NDST1: variants seen among roughly 807,000 people sequenced by gnomAD.
The protein encoded by NDST1 is N-deacetylase and N-sulfotransferase 1.
In NDST1, 35 loss-of-function variants were observed where a neutral mutation model predicts 92.8. The ratio of observed to expected loss-of-function variants is 0.38; its 90% confidence interval spans 0.29 to 0.50. NDST1 has a LOEUF of 0.50. Ranked by LOEUF, NDST1 falls within the 20% of genes least tolerant of loss-of-function variation. The pLI is 0.94. For missense variants in NDST1, 822 were observed against 1,182.7 expected (o/e 0.69, Z 4.47); for synonymous variants, 493 against 500.3 (o/e 0.99, Z 0.19).
intron 6 of NDST1, among the ~76,000 whole-genome samples, chr5:150,536,455 A>G (rs1209564936): frequency 6.6e-6 from 1 of 151,902 alleles, no homozygotes; most frequent in African/African-American, 2.4e-5. Context: ...GCAGTGAGCC[A>G]AGATTGCGCC....
intron 1 of NDST1, among the ~76,000 whole-genome samples, chr5:150,517,111 C>A (rs1269493364): frequency 6.6e-6 from 1 of 152,060 alleles, no homozygotes; most frequent in East Asian, 1.9e-4. Flanking sequence ...CCCCTGCACA[C>A]ACACACAGCT....
chr5:150,548,125 G>T, intron 11 of NDST1, 93 bp from the exon 12 acceptor site: 2 of 1,481,004 alleles, frequency 1.4e-6, no homozygotes, highest in South Asian at 1.2e-5. Context: ...TCCAGCTGAG[G>T]ATCTTCTGGC....
At chr5:150,527,648 A>G (rs1353166626) in intron 2 of NDST1, among the ~76,000 whole-genome samples, 156 bp from the exon 3 acceptor site, 1 of 152,182 alleles carries the variant, frequency 6.6e-6, no homozygotes, top group Non-Finnish European at 1.5e-5. Context: ...TGAGTATATT[A>G]TTGTGCAGGG....
At chr5:150,538,347 G>A (rs1324158524) in intron 6 of NDST1, among the ~76,000 whole-genome samples, 1 of 152,182 alleles carries the variant, frequency 6.6e-6, no homozygotes, top group Non-Finnish European at 1.5e-5. Flanking sequence ...ATCTTTGAAA[G>A]GGATTTCTAT....
intron 1 of NDST1, among the ~76,000 whole-genome samples, chr5:150,513,396 C>T (rs957143879): frequency 6.6e-6 from 1 of 152,134 alleles, no homozygotes. Context: ...GAGGCTGAGG[C>T]TCGAAAATCG....
At chr5:150,548,485 A>C (rs936311776) in intron 12 of NDST1, 97 bp downstream of exon 12, 1 of 1,333,848 alleles carries the variant, frequency 7.5e-7, no homozygotes, top group Non-Finnish European at 1.0e-6. Flanking sequence ...CCGTGGGGAC[A>C]GATATGCCCT....
Position 150,553,752 on chromosome 5 carries a change from G to A in NDST1, c.*420G>A. Reference sequence around the variant, plus strand: ...TCCAGGCTGTAGGGGAGGAGAGCCTGGCCGGGGGAGACAGACTGGACATTT... The same window carrying A: ...TCCAGGCTGTAGGGGAGGAGAGCCTAGCCGGGGGAGACAGACTGGACATTT... On this transcript the variant is annotated 3_prime_UTR_variant, in exon 15 of 15. Coordinates refer to ENST00000261797, the MANE Select transcript of NDST1 (RefSeq NM_001543.5). The surrounding 1 kb of genome is among the most constrained non-coding windows in gnomAD (Gnocchi z 4.2). 2 of 418,998 alleles carry A rather than the reference G, an allele frequency of 4.8e-6. No individual in the cohort carries two copies. The highest frequency in any genetic ancestry group is 4.5e-6 in the Non-Finnish European group (1 of 224,344). The allele number at this position is 418,998 out of a possible 1,614,324, so 26.0% of individuals were successfully genotyped here.
intron 1 of NDST1, among the ~76,000 whole-genome samples, chr5:150,498,717 T>G (rs1220056364): frequency 1.3e-5 from 2 of 152,242 alleles, no homozygotes; most frequent in African/African-American, 4.8e-5. Context: ...TTAGCTGACC[T>G]GTTCCTCAAG....
At chr5:150,518,783 CT>C (rs11322568) in intron 1 of NDST1, 40,115 of 146,540 alleles carry the variant, frequency 0.27, 5,325 homozygotes, top group African/African-American at 0.3. Flanking sequence ...ATTATAATTG[CT>C]TTTTTTTTTT....
chr5:150,507,449 G>A (rs370348998), upstream of NDST1, among the ~76,000 whole-genome samples: 11 of 152,192 alleles, frequency 7.2e-5, no homozygotes, highest in East Asian at 5.8e-4. Context: ...GTGTGACCGT[G>A]GCCAAGTTGC....
At chr5:150,516,559 C>T (rs1007241541) in intron 1 of NDST1, among the ~76,000 whole-genome samples, 3 of 152,144 alleles carry the variant, frequency 2.0e-5, no homozygotes, top group Non-Finnish European at 2.9e-5. Context: ...AGTTTTGAAT[C>T]GAAGCCACTT....
intron 7 of NDST1, 48 bp downstream of exon 7, chr5:150,539,404 C>T: frequency 6.2e-7 from 1 of 1,612,710 alleles, no homozygotes; most frequent in Non-Finnish European, 8.5e-7. Context: ...GGCTGCTGCA[C>T]AGCCTGTCTG....
At chr5:150,527,494 G>A (rs1754526294) in intron 2 of NDST1, among the ~76,000 whole-genome samples, 1 of 152,202 alleles carries the variant, frequency 6.6e-6, no homozygotes, top group Non-Finnish European at 1.5e-5. Flanking sequence ...ATGTGGTTTA[G>A]CCTCTCTAGG....
chr5:150,520,427 T>C (rs934324228), intron 1 of NDST1, among the ~76,000 whole-genome samples: 2 of 152,126 alleles, frequency 1.3e-5, no homozygotes, highest in Admixed American at 1.3e-4. Flanking sequence ...GGGAATGGAA[T>C]ATGGTGAGGA....
rs569632646 is a variant in NDST1 at position 150,546,316 on chromosome 5, G to A, written c.2145+830G>A. On this transcript the variant is annotated intron_variant, in intron 11 of 14. Coordinates refer to ENST00000261797, the MANE Select transcript of NDST1 (RefSeq NM_001543.5). ...CAGCTGAACCAGAGCTCTCTTTAATGCCTATGGCCTGACTTAATTTCCTGC... is the reference window on the plus strand; with the variant it reads ...CAGCTGAACCAGAGCTCTCTTTAATACCTATGGCCTGACTTAATTTCCTGC... Among the ~76,000 whole-genome samples the A allele has an allele frequency of 5.3e-5, 8 of 152,256 alleles. No individual in the cohort carries two copies. In the East Asian group the frequency reaches 1.5e-3, roughly 29 times the overall value.
intron 3 of NDST1, among the ~76,000 whole-genome samples, chr5:150,531,346 A>G (rs953731974): frequency 3.3e-5 from 5 of 152,258 alleles, no homozygotes; most frequent in Non-Finnish European, 7.4e-5. Flanking sequence ...TAACTTGCCC[A>G]AGGCCACACA....
chr5:150,508,735 A>G (rs561536820), intron 1 of NDST1, among the ~76,000 whole-genome samples: 2 of 152,182 alleles, frequency 1.3e-5, no homozygotes, highest in East Asian at 3.9e-4. Context: ...CCCCTAGAGA[A>G]TTTCCATGTT....
chr5:150,525,884 G>A (rs189442207), intron 2 of NDST1, among the ~76,000 whole-genome samples: 74 of 152,264 alleles, frequency 4.9e-4, no homozygotes, highest in African/African-American at 1.7e-3. Flanking sequence ...TCTCCAGGCA[G>A]CAGCCACATG....
intron 1 of NDST1, among the ~76,000 whole-genome samples, chr5:150,500,404 C>T (rs537966181): frequency 1.3e-5 from 2 of 152,372 alleles, no homozygotes; most frequent in East Asian, 3.9e-4. Context: ...GCCCCTTTCT[C>T]TCTCTGGGCT....
Sources: allele counts gnomAD v4.1 joint callset (sites outside exome capture counted in the v4.1 genomes callset), GRCh38; gene constraint gnomAD v4.1.1; non-coding constraint Gnocchi (gnomAD v3.1); transcripts MANE v1.5; gene names NCBI Gene and HGNC (gene_info 2026-07-23, HGNC 2026-07-21).